The following SLC25A20 variants were observed in gnomAD, a reference collection of about 807,000 sequenced individuals.
SLC25A20 encodes the protein solute carrier family 25 member 20, also known as mitochondrial carnitine/acylcarnitine carrier protein.
Under a neutral mutation model 39.7 loss-of-function variants are expected in SLC25A20, and 29 were observed. That is an observed-to-expected ratio of 0.73 (90% CI 0.54 to 1.00). SLC25A20 has a LOEUF of 1.00. SLC25A20 is among the 50% of genes least tolerant of loss of function. The pLI is 0.00. For synonymous variants in SLC25A20, 103 were observed against 142.2 expected (o/e 0.72, Z 1.96); for missense variants, 333 against 379.9 (o/e 0.88, Z 1.03).
intron 4 of SLC25A20, among the ~76,000 whole-genome samples, chr3:48,867,411 A>ATTTTTTTTTTTTTTTTTTT (rs58122933): frequency 1.4e-4 from 15 of 108,390 alleles, no homozygotes; most frequent in East Asian, 6.0e-4. Context: ...TGCCTGGGTA[A>ATTTTTTTTTTTTTTTTTTT]TTTTTTTTTT....
chr3:48,873,523 G>A (rs1244991798), intron 4 of SLC25A20, among the ~76,000 whole-genome samples: 1 of 151,062 alleles, frequency 6.6e-6, no homozygotes, highest in Non-Finnish European at 1.5e-5. Flanking sequence ...GCAGGAGAAT[G>A]GCATGAACCC....
chr3:48,858,632 C>T lies in SLC25A20; in HGVS notation c.719-1G>A. ...CCATTAGGATATTTCCCAGGAGGTG[C>T]TGTGGGGCAGAACCCAATTTTTAAG... On this transcript the variant is annotated splice_acceptor_variant, in intron 7 of 8. Coordinates refer to ENST00000319017, the MANE Select transcript of SLC25A20 (RefSeq NM_000387.6). LOFTEE classifies it high-confidence loss of function. 1.9e-6 allele frequency: 3 copies of T among 1,614,144 alleles called. No individual in the cohort carries two copies. Among genetic ancestry groups the T allele is most frequent in the East Asian group, 4.5e-5 (2 of 44,882 alleles).
intron 4 of SLC25A20, among the ~76,000 whole-genome samples, chr3:48,870,299 G>A (rs1008594033): frequency 1.3e-5 from 2 of 152,192 alleles, no homozygotes; most frequent in African/African-American, 4.8e-5. Flanking sequence ...TACGCGGGAG[G>A]ATGAGGCAGG....
intron 5 of SLC25A20, among the ~76,000 whole-genome samples, chr3:48,862,110 A>T (rs1414468157): frequency 6.6e-6 from 1 of 152,240 alleles, no homozygotes; most frequent in Non-Finnish European, 1.5e-5. Context: ...TGACATGCCC[A>T]CAGTTATAAG....
At chr3:48,885,742 C>T (rs2083824983) in intron 2 of SLC25A20, among the ~76,000 whole-genome samples, 1 of 152,078 alleles carries the variant, frequency 6.6e-6, no homozygotes, top group Non-Finnish European at 1.5e-5. Flanking sequence ...GCAAAGGTTG[C>T]AGTGAGCCGA....
At chr3:48,891,146 TA>T (rs2083873003) in intron 2 of SLC25A20, among the ~76,000 whole-genome samples, 3 of 151,252 alleles carry the variant, frequency 2.0e-5, no homozygotes, top group African/African-American at 7.3e-5. Context: ...GGCTGGACCC[TA>T]CACTGCAACC....
intron 1 of SLC25A20, chr3:48,895,686 G>A (rs974250694): frequency 1.6e-5 from 7 of 424,958 alleles, no homozygotes; most frequent in Non-Finnish European, 3.3e-5. Flanking sequence ...CCCTCTCTGG[G>A]CAACAGAGGT....
chr3:48,877,507 G>C (rs1448003354), intron 4 of SLC25A20, among the ~76,000 whole-genome samples: 2 of 151,860 alleles, frequency 1.3e-5, no homozygotes, highest in Non-Finnish European at 2.9e-5. Flanking sequence ...GAGGTGGGTG[G>C]GTCACAAGGT....
intron 3 of SLC25A20, among the ~76,000 whole-genome samples, chr3:48,882,350 C>T (rs944876957): frequency 4.6e-5 from 7 of 152,118 alleles, no homozygotes; most frequent in African/African-American, 1.7e-4. Flanking sequence ...TCTTTATAGT[C>T]ATATTAGCAT....
intron 4 of SLC25A20, among the ~76,000 whole-genome samples, chr3:48,874,538 G>C (rs1269151819): frequency 6.6e-6 from 1 of 151,538 alleles, no homozygotes; most frequent in Non-Finnish European, 1.5e-5. Flanking sequence ...ATTTATCCCA[G>C]AGAAATGGAG....
At chr3:48,867,984 C>G (rs972330783) in intron 4 of SLC25A20, among the ~76,000 whole-genome samples, 2 of 151,794 alleles carry the variant, frequency 1.3e-5, no homozygotes, top group African/African-American at 2.4e-5. Flanking sequence ...TTACTTGAAC[C>G]TGGGAGGCGG....
chr3:48,864,778 C>T (rs1337189103), intron 4 of SLC25A20, among the ~76,000 whole-genome samples: 1 of 152,070 alleles, frequency 6.6e-6, no homozygotes, highest in African/African-American at 2.4e-5. Flanking sequence ...TAAGGAGGCC[C>T]TCACTGTCAT....
chr3:48,890,710 A>C (rs1269252321), intron 2 of SLC25A20, among the ~76,000 whole-genome samples: 3 of 132,132 alleles, frequency 2.3e-5, no homozygotes, highest in Non-Finnish European at 4.6e-5. Context: ...GCTGGAGTGC[A>C]GTGGTGTGAT....
At chr3:48,875,052 A>C (rs1290723229) in intron 4 of SLC25A20, among the ~76,000 whole-genome samples, 1 of 126,032 alleles carries the variant, frequency 7.9e-6, no homozygotes, top group African/African-American at 3.0e-5. Flanking sequence ...ACTGAACGAG[A>C]CTCTGTCTCA....
intron 2 of SLC25A20, among the ~76,000 whole-genome samples, chr3:48,891,402 C>G (rs72930094): frequency 0.057 from 8,669 of 152,178 alleles, 839 homozygotes; most frequent in African/African-American, 0.2. Flanking sequence ...CAGGGTCTCA[C>G]TCTGTCACCC....
chr3:48,866,577 C>A (rs2106640585), intron 4 of SLC25A20, among the ~76,000 whole-genome samples: 1 of 151,572 alleles, frequency 6.6e-6, no homozygotes, highest in Non-Finnish European at 1.5e-5. Context: ...AAAACAAAAA[C>A]AAAAACAAGA....
At chr3:48,895,876 A>G (rs2083906459) in intron 1 of SLC25A20, 17 of 452,914 alleles carry the variant, frequency 3.8e-5, no homozygotes, top group South Asian at 2.7e-4. Context: ...ACAGTGGCTC[A>G]CACCTATAAT....
intron 4 of SLC25A20, among the ~76,000 whole-genome samples, chr3:48,872,967 T>C (rs2083727781): frequency 1.3e-5 from 2 of 152,200 alleles, no homozygotes; most frequent in African/African-American, 4.8e-5. Flanking sequence ...CTCATGTCTA[T>C]AATCCCAGCA....
In SLC25A20 at chr3:48,859,577, T is replaced by C. The variant is rs2083607799; in HGVS notation, c.586A>G (p.Ile196Val). The change falls in exon 6 of 9, where the codon ATC becomes GTC. Residue 196 changes from isoleucine to valine, a missense_variant. Transcript: ENST00000319017. ...YFMTYEWLKN[I>V]FTPEGKRVSE... is the part of the protein sequence containing the mutation. The stretch of plus-strand genomic sequence containing the variant: ...CACCTCTTTCCCTCCGGAGTGAAGA[T>C]ATTTTTCAGCCATTCATATGTCATG... 5 of 1,613,952 alleles carry C rather than the reference T, an allele frequency of 3.1e-6. No homozygotes were observed. The South Asian group carries it at 3.3e-5, about 11-fold the overall frequency.
Sources: allele counts gnomAD v4.1 joint callset (sites outside exome capture counted in the v4.1 genomes callset), GRCh38; gene constraint gnomAD v4.1.1; transcripts MANE v1.5; gene names NCBI Gene and HGNC (gene_info 2026-07-23, HGNC 2026-07-21).